Variants in EVC2 observed in about 807,000 individuals in gnomAD.
EVC2 encodes EvC ciliary complex subunit 2.
A neutral mutation model predicts 149.3 loss-of-function variants in EVC2; 148 were observed. The observed-to-expected ratio is 0.99, with a 90% CI of 0.87 to 1.14. The LOEUF is 1.14. EVC2 is among the 50% of genes most tolerant of loss of function. EVC2 has a pLI of 0.00. For missense variants in EVC2, 1,854 were observed against 1,627.3 expected (o/e 1.14, Z -2.40); for synonymous variants, 776 against 649.9 (o/e 1.19, Z -2.95).
chr4:5,693,085 C>T (rs1721236837), intron 3 of EVC2, among the ~76,000 whole-genome samples: 1 of 152,030 alleles, frequency 6.6e-6, no homozygotes, highest in Non-Finnish European at 1.5e-5. Flanking sequence ...CTCTTCTGAC[C>T]TTCATATAGC....
At position 5,662,643 on chromosome 4, in the gene EVC2, TATTA is replaced by T. The variant is rs1046736703; in HGVS notation, c.1145+460_1145+463del. Among the ~76,000 whole-genome samples the T allele has an allele frequency of 3.4e-5, 5 of 145,788 alleles. No individual in the cohort carries two copies. The East Asian group carries it at 9.8e-4, about 28-fold the overall frequency. Reference sequence around the variant, plus strand: ...AGATTAATTATATTAAAATATAATATATTAATTATATTTATATTGATATTAAATA... The same window carrying T: ...AGATTAATTATATTAAAATATAATATATTATATTTATATTGATATTAAATA... On this transcript the variant is annotated intron_variant, in intron 9 of 21. Coordinates refer to ENST00000344408, the MANE Select transcript of EVC2 (RefSeq NM_147127.5).
intron 11 of EVC2, among the ~76,000 whole-genome samples, chr4:5,630,265 G>A (rs574059884): frequency 3.9e-5 from 6 of 152,226 alleles, no homozygotes; most frequent in East Asian, 1.9e-4. Flanking sequence ...GCCCTCATGC[G>A]CTCGGCCTGG....
In EVC2 at chr4:5,562,738, C is replaced by T. The variant is rs1054610189; in HGVS notation, c.*110G>A. 1.3e-6 allele frequency: 2 copies of T among 1,593,978 alleles called. No homozygotes were observed. Among genetic ancestry groups the T allele is most frequent in the African/African-American group, 2.7e-5 (2 of 74,674 alleles). On this transcript the variant is annotated 3_prime_UTR_variant, in exon 22 of 22. Transcript: ENST00000344408. This position sits in a 1 kb window ranked among gnomAD's most constrained non-coding sequence, Gnocchi z 4.3. The stretch of plus-strand genomic sequence containing the variant: ...TGCGCTACGGGGTCTGTGCCTTCTG[C>T]ATGTGCAATTTATATTTGCGAGTTG...
At chr4:5,681,426 T>A (rs1218030874) in intron 6 of EVC2, 113 bp from the exon 7 acceptor site, 1 of 1,067,838 alleles carries the variant, frequency 9.4e-7, no homozygotes, top group Non-Finnish European at 1.4e-6. Context: ...CAGCCCTAAC[T>A]GCTGCACAGG....
chr4:5,674,606 G>A (rs1719874572), intron 7 of EVC2, among the ~76,000 whole-genome samples: 1 of 152,200 alleles, frequency 6.6e-6, no homozygotes, highest in South Asian at 2.1e-4. Context: ...GCGTGCAGAT[G>A]CTGGTCAGGG....
At chr4:5,584,882 G>C (rs1174771681) in intron 16 of EVC2, 32 bp from the exon 17 acceptor site, 1 of 1,610,398 alleles carries the variant, frequency 6.2e-7, no homozygotes, top group African/African-American at 1.3e-5. Flanking sequence ...CCCAAACCCA[G>C]AGAGCAGTGA....
In EVC2 at chr4:5,640,853, A is replaced by G; in HGVS notation, c.1146-15T>C. ...CAATCTCCAACCTAGGAAACACAAA[A>G]ATCAAAAGAATTCCATTACATGAAA... On this transcript the variant is annotated splice_polypyrimidine_tract_variant and intron_variant, in intron 9 of 21. Transcript: ENST00000344408. This position sits in a 1 kb window ranked among gnomAD's most constrained non-coding sequence, Gnocchi z 4.6. 1 of 1,614,054 alleles carries G rather than the reference A, an allele frequency of 6.2e-7. No individual in the cohort carries two copies. The highest frequency in any genetic ancestry group is 8.5e-7 in the Non-Finnish European group (1 of 1,179,964).
rs1236566474 is a variant in EVC2, at chr4:5,685,441, G to A, written c.745C>T (p.Gln249Ter). The A allele has an allele frequency of 1.3e-5, 21 of 1,614,098 alleles. No homozygotes were observed. The highest frequency in any genetic ancestry group is 1.8e-5 in the Non-Finnish European group (21 of 1,180,038). ...AFAVSYAATL[Q>*]AGDLGNGESL... ...TCCCCGTTCCCGAGGTCTCCAGCCT[G>A]GAGCGTGGCTGCGTAGCTGACAGCA... The change falls in exon 6 of 22, where the codon CAG (glutamine) becomes TAG (stop). Residue 249 changes from glutamine to a stop codon, truncating the protein, a stop_gained. Coordinates refer to ENST00000344408, the MANE Select transcript of EVC2 (RefSeq NM_147127.5). LOFTEE classifies it high-confidence loss of function.
At chr4:5,545,342 A>C (rs937485299) in intron 21 of EVC2, among the ~76,000 whole-genome samples, 1 of 152,236 alleles carries the variant, frequency 6.6e-6, no homozygotes, top group Non-Finnish European at 1.5e-5. Flanking sequence ...GAAAGAACAC[A>C]GGCTTCCGAG....
At chr4:5,563,258 GT>G (rs1722068408) in intron 21 of EVC2, 143 bp from the exon 22 acceptor site, 1 of 805,618 alleles carries the variant, frequency 1.2e-6, no homozygotes, top group Non-Finnish European at 2.0e-6. Context: ...TTCCCCCTTG[GT>G]CACCAGATTG....
chr4:5,575,843 A>G (rs1259661343), intron 18 of EVC2, among the ~76,000 whole-genome samples: 1 of 152,206 alleles, frequency 6.6e-6, no homozygotes, highest in Non-Finnish European at 1.5e-5. Flanking sequence ...TTATGGTGAA[A>G]TTGCAATAAG....
chr4:5,593,538 C>T (rs780515082), intron 16 of EVC2, among the ~76,000 whole-genome samples: 4 of 152,162 alleles, frequency 2.6e-5, no homozygotes, highest in East Asian at 1.9e-4. Flanking sequence ...GCTAAAGAAA[C>T]GCTGCTGAAA....
rs1577108987 is a variant in EVC2, at chr4:5,576,704, A to T, written c.3058-250T>A. On this transcript the variant is annotated intron_variant, in intron 17 of 21. Coordinates refer to ENST00000344408, the MANE Select transcript of EVC2 (RefSeq NM_147127.5). The surrounding 1 kb of genome is among the most constrained non-coding windows in gnomAD (Gnocchi z 4.5). ...TTCTCTGTCTGCCTGACCAATCCCCAGTCTTCTTTCACCCCTCCGCTTAAG... is the reference window on the plus strand; with the variant it reads ...TTCTCTGTCTGCCTGACCAATCCCCTGTCTTCTTTCACCCCTCCGCTTAAG... Among the ~76,000 whole-genome samples, 1 of 152,070 alleles carries T rather than the reference A, an allele frequency of 6.6e-6. No homozygotes were observed. Among genetic ancestry groups the T allele is most frequent in the East Asian group, 1.9e-4 (1 of 5,166 alleles).
At chr4:5,545,452 GA>G (rs1008803321) in intron 21 of EVC2, among the ~76,000 whole-genome samples, 5 of 152,250 alleles carry the variant, frequency 3.3e-5, no homozygotes, top group Non-Finnish European at 7.4e-5. Flanking sequence ...ATAAAAATGA[GA>G]ACAGTAACAG....
At chr4:5,667,493 C>G (rs1719357786) in intron 7 of EVC2, among the ~76,000 whole-genome samples, 2 of 152,170 alleles carry the variant, frequency 1.3e-5, no homozygotes, top group Admixed American at 1.3e-4. Flanking sequence ...AATCCTGCTC[C>G]TTTCTTTTTC....
In EVC2 at chr4:5,635,029, CTTTTTTTT is replaced by C. The variant is rs34769603; in HGVS notation, c.1471-3005_1471-2998del. 6.0e-3 allele frequency among the ~76,000 whole-genome samples: 426 copies of C among 71,502 alleles called. 2 individuals are homozygous for C. The highest frequency in any genetic ancestry group is 0.024 in the African/African-American group (396 of 16,774). 46.9% of individuals were successfully genotyped at this position (71,502 alleles called of 152,430 possible). The stretch of plus-strand genomic sequence containing the variant: ...ATTTTAAATACTGTCAACAAATGTG[CTTTTTTTT>C]TTTTTTTTTTTTTTTTTGAGACAGA... On this transcript the variant is annotated intron_variant, in intron 10 of 21. Coordinates refer to ENST00000344408, the MANE Select transcript of EVC2 (RefSeq NM_147127.5).
At chr4:5,581,784 G>A (rs1046988073) in intron 17 of EVC2, among the ~76,000 whole-genome samples, 6 of 152,198 alleles carry the variant, frequency 3.9e-5, no homozygotes, top group African/African-American at 1.4e-4. Context: ...CAGAGGCCTA[G>A]GAGGGAAGAA....
chr4:5,698,249 G>A (rs920012023), intron 1 of EVC2, among the ~76,000 whole-genome samples: 1 of 152,134 alleles, frequency 6.6e-6, no homozygotes, highest in African/African-American at 2.4e-5. Flanking sequence ...GGGTTCAAAC[G>A]TTAGCCCTGC....
chr4:5,634,297 C>T (rs1716748989), intron 10 of EVC2, among the ~76,000 whole-genome samples: 1 of 152,208 alleles, frequency 6.6e-6, no homozygotes, highest in Non-Finnish European at 1.5e-5. Flanking sequence ...GGATGCAATT[C>T]ACCAACAACC....
Sources: gnomAD v4.1 joint callset for allele counts (sites outside exome capture counted in the v4.1 genomes callset) on GRCh38, gnomAD v4.1.1 for gene constraint, Gnocchi (gnomAD v3.1) non-coding constraint, MANE v1.5 for transcripts, NCBI Gene and HGNC (gene_info 2026-07-23, HGNC 2026-07-21) for gene names.